The following LRP1B variants were observed in gnomAD, a reference collection of about 807,000 sequenced individuals.
LRP1B encodes LDL receptor related protein 1B.
LRP1B carries 217 observed loss-of-function variants against 556.6 expected under a neutral mutation model. That is an observed-to-expected ratio of 0.39 (90% CI 0.35 to 0.44). The LOEUF (loss-of-function observed/expected upper bound fraction) is 0.44, where lower values mean the gene tolerates loss of function less well. LRP1B is among the 20% of genes least tolerant of loss of function. The pLI is 1.00. For missense variants in LRP1B, 5,053 were observed against 5,620.8 expected (o/e 0.90, Z 3.23); for synonymous variants, 2,047 against 1,865.8 (o/e 1.10, Z -2.50).
intron 1 of LRP1B, among the ~76,000 whole-genome samples, chr2:141,966,691 C>T (rs1243191947): frequency 6.6e-6 from 1 of 151,676 alleles, no homozygotes; most frequent in Non-Finnish European, 1.5e-5. Flanking sequence ...CAATAAGATT[C>T]TGAAAGAGTC....
intron 71 of LRP1B, among the ~76,000 whole-genome samples, chr2:140,366,122 G>A (rs1682747971): frequency 6.6e-6 from 1 of 151,670 alleles, no homozygotes; most frequent in Non-Finnish European, 1.5e-5. Context: ...GAAATGAAGA[G>A]AGAGACAGTA....
chr2:140,900,103 G>T (rs749243336), intron 23 of LRP1B, among the ~76,000 whole-genome samples: 2 of 152,116 alleles, frequency 1.3e-5, no homozygotes, highest in Non-Finnish European at 2.9e-5. Flanking sequence ...CCTCCTTTCT[G>T]CCCCTACAGT....
chr2:140,797,122 T>C (rs1020380510), intron 32 of LRP1B, among the ~76,000 whole-genome samples: 15 of 151,982 alleles, frequency 9.9e-5, no homozygotes, highest in Non-Finnish European at 2.1e-4. Context: ...TTTTAAAGAT[T>C]TAATTAAGAG....
intron 32 of LRP1B, among the ~76,000 whole-genome samples, chr2:140,805,560 G>C (rs1690684002): frequency 6.6e-6 from 1 of 152,146 alleles, no homozygotes; most frequent in African/African-American, 2.4e-5. Context: ...TTATGAAACA[G>C]ATTAAAATGA....
chr2:141,247,397 G>A (rs200961690), intron 4 of LRP1B, 43 bp from the exon 5 acceptor site: 2 of 1,592,694 alleles, frequency 1.3e-6, no homozygotes, highest in Non-Finnish European at 1.7e-6. Context: ...GCTTTATCTT[G>A]GGCACTTTTT....
chr2:141,544,311 T>TTCTTCTTCTTCTTCTTC (rs1559130838), intron 2 of LRP1B, among the ~76,000 whole-genome samples: 1 of 15,716 alleles, frequency 6.4e-5, no homozygotes, highest in African/African-American at 4.1e-4. Context: ...CTTCTTCTTC[T>TTCTTCTTCTTCTTCTTC]TCTTCTTCTT....
chr2:140,507,450 G>T (rs906583262), intron 52 of LRP1B, among the ~76,000 whole-genome samples: 7 of 152,032 alleles, frequency 4.6e-5, no homozygotes, highest in African/African-American at 1.7e-4. Flanking sequence ...TTCTAGAGTG[G>T]GGTGTCCAAT....
intron 41 of LRP1B, among the ~76,000 whole-genome samples, chr2:140,621,549 CT>C (rs1468094284): frequency 6.6e-6 from 1 of 152,018 alleles, no homozygotes; most frequent in Non-Finnish European, 1.5e-5. Flanking sequence ...TAAATTTATT[CT>C]ACCCATGAAG....
chr2:141,394,104 A>G (rs1384678262), intron 3 of LRP1B, among the ~76,000 whole-genome samples: 1 of 152,192 alleles, frequency 6.6e-6, no homozygotes, highest in East Asian at 1.9e-4. Flanking sequence ...AAAATCAGAT[A>G]GTAAATAAAA....
At chr2:140,960,516 T>G (rs1455794248) in intron 18 of LRP1B, among the ~76,000 whole-genome samples, 4 of 151,612 alleles carry the variant, frequency 2.6e-5, no homozygotes, top group Non-Finnish European at 4.4e-5. Flanking sequence ...TTAAAAACGT[T>G]TCCTGACACA....
chr2:141,507,441 T>C (rs979530347), intron 2 of LRP1B, among the ~76,000 whole-genome samples: 1 of 152,184 alleles, frequency 6.6e-6, no homozygotes. Flanking sequence ...ACAAAATTAT[T>C]CAAGCAAAAT....
intron 84 of LRP1B, among the ~76,000 whole-genome samples, chr2:140,281,081 T>C (rs1331604935): frequency 6.6e-6 from 1 of 151,836 alleles, no homozygotes; most frequent in Non-Finnish European, 1.5e-5. Context: ...TAAAGTAATT[T>C]TCAAGGGAGA....
At chr2:142,027,938 T>G (rs998760283) in intron 1 of LRP1B, among the ~76,000 whole-genome samples, 1 of 152,010 alleles carries the variant, frequency 6.6e-6, no homozygotes. Flanking sequence ...TTTGACTTAT[T>G]ATTCCACTCT....
rs1366702526 is a variant in LRP1B at position 140,356,381 on chromosome 2, G to A, written c.11491C>T (p.Pro3831Ser). ...TTTTTCATGTTTCTCTGAAATCCAG[G>A]CTTACAGCGACAGAAAACAGATGTT... ...IKTSVFCRCK[P>S]GFQRNMKNRQ... is the part of the protein sequence containing the mutation. The change falls in exon 75 of 91, where the codon CCT becomes TCT. Residue 3831 changes from proline to serine, a missense_variant. Around this residue, in one of 5 missense-constraint regions of LRP1B, gnomAD observed 599 missense variants for 648.4 expected, o/e 0.92. Coordinates refer to ENST00000389484, the MANE Select transcript of LRP1B (RefSeq NM_018557.3). 1 of 1,610,716 alleles carries A rather than the reference G, an allele frequency of 6.2e-7. No homozygotes were observed. The highest frequency in any genetic ancestry group is 8.5e-7 in the Non-Finnish European group (1 of 1,177,844).
intron 1 of LRP1B, among the ~76,000 whole-genome samples, chr2:141,927,647 T>C (rs943851332): frequency 6.6e-6 from 1 of 152,104 alleles, no homozygotes; most frequent in Admixed American, 6.6e-5. Flanking sequence ...TTGTTTTAGT[T>C]AACTGGAGTA....
intron 2 of LRP1B, among the ~76,000 whole-genome samples, chr2:141,535,812 G>A (rs1055427284): frequency 6.6e-6 from 1 of 152,040 alleles, no homozygotes; most frequent in Non-Finnish European, 1.5e-5. Context: ...ATTTTAGCAC[G>A]TCATCAAATC....
chr2:141,805,237 G>A (rs551352019), intron 2 of LRP1B: 10 of 152,202 alleles, frequency 6.6e-5, no homozygotes, highest in African/African-American at 1.9e-4. Flanking sequence ...TTATCTACTA[G>A]GAGAGAAGCA....
intron 68 of LRP1B, among the ~76,000 whole-genome samples, 161 bp from the exon 69 acceptor site, chr2:140,373,298 G>A (rs1432617530): frequency 2.0e-5 from 3 of 152,076 alleles, no homozygotes; most frequent in Non-Finnish European, 2.9e-5. Flanking sequence ...AATTAAAATT[G>A]CGTTTTTAGA....
At chr2:140,309,162 G>C (rs550331643) in intron 83 of LRP1B, among the ~76,000 whole-genome samples, 16 of 151,774 alleles carry the variant, frequency 1.1e-4, no homozygotes, top group Admixed American at 4.6e-4. Flanking sequence ...ATTTTAGCAA[G>C]GTGACTATAG....
Sources: allele counts gnomAD v4.1 joint callset (sites outside exome capture counted in the v4.1 genomes callset), GRCh38; gene constraint gnomAD v4.1.1; regional missense constraint gnomAD v4.1.1; transcripts MANE v1.5; gene names NCBI Gene and HGNC (gene_info 2026-07-23, HGNC 2026-07-21).